The following SLC47A2 variants were observed in gnomAD, a reference collection of about 807,000 sequenced individuals.
SLC47A2 encodes the protein solute carrier family 47 member 2, also known as multidrug and toxin extrusion protein 2.
SLC47A2 carries 52 observed loss-of-function variants against 67.7 expected under a neutral mutation model. The ratio of observed to expected loss-of-function variants is 0.77; its 90% confidence interval spans 0.61 to 0.97. SLC47A2 has a LOEUF of 0.97. Among genes scored for constraint, SLC47A2 ranks in the 50% least tolerant of loss-of-function variants. The probability of loss-of-function intolerance (pLI) is 0.00; values close to 1 mark genes in which losing one functional copy is unlikely to be tolerated. For synonymous variants in SLC47A2, 278 were observed against 292.9 expected (o/e 0.95, Z 0.52); for missense variants, 676 against 712.3 (o/e 0.95, Z 0.58).
At chr17:19,691,453 TG>T (rs1240833986) in intron 13 of SLC47A2, among the ~76,000 whole-genome samples, 2 of 152,150 alleles carry the variant, frequency 1.3e-5, no homozygotes, top group Non-Finnish European at 2.9e-5. Flanking sequence ...TGCAACAACA[TG>T]CATGGACCTG....
intron 13 of SLC47A2, among the ~76,000 whole-genome samples, chr17:19,682,104 GC>G: frequency 6.6e-6 from 1 of 152,230 alleles, no homozygotes; most frequent in East Asian, 1.9e-4. Flanking sequence ...GGTGGCTCAT[GC>G]CTGTAATCCC....
At chr17:19,691,918 A>T (rs2085549565) in intron 13 of SLC47A2, among the ~76,000 whole-genome samples, 1 of 152,216 alleles carries the variant, frequency 6.6e-6, no homozygotes, top group Admixed American at 6.5e-5. Flanking sequence ...ATTAATAAAA[A>T]CAAAAGTTAG....
chr17:19,713,027 A>G lies in SLC47A2; in HGVS notation c.444-282T>C, dbSNP rs116433092. 7.3e-3 allele frequency among the ~76,000 whole-genome samples: 1,112 copies of G among 152,368 alleles called. 15 individuals are homozygous for G. The highest frequency in any genetic ancestry group is 0.025 in the African/African-American group (1,059 of 41,576). ...GTTATATCTTAAAAAGGAATAACCA[A>G]ATGAAATGTACATAATATAAATGAA... is the stretch of plus-strand genomic sequence containing the variant. On this transcript the variant is annotated intron_variant, in intron 4 of 16. Transcript: ENST00000433844.
Position 19,704,160 on chromosome 17 carries a change from T to G in SLC47A2, c.928A>C (p.Ile310Leu), listed in dbSNP as rs2152351103. The change falls in exon 11 of 17, where the codon ATC becomes CTC. Residue 310 changes from isoleucine (I) to leucine (L), a missense_variant. Physicochemically the swap from Ile to Leu is conservative, Grantham distance 5. Transcript: ENST00000433844. ...ATCCCCACTCGGACACAGACCCCGATGCTGAGCCCCAAGGGAATCTGGGAT... is the reference window on the plus strand; with the variant it reads ...ATCCCCACTCGGACACAGACCCCGAGGCTGAGCCCCAAGGGAATCTGGGAT... ...VTYMIPLGLS[I>L]GVCVRVGMAL... The G allele has an allele frequency of 6.2e-7, 1 of 1,610,250 alleles. No individual in the cohort carries two copies. Among genetic ancestry groups the G allele is most frequent in the South Asian group, 1.1e-5 (1 of 90,624 alleles).
intron 13 of SLC47A2, among the ~76,000 whole-genome samples, chr17:19,688,227 A>G (rs551311191): frequency 1.3e-4 from 20 of 152,356 alleles, no homozygotes; most frequent in Middle Eastern, 3.4e-3. Context: ...ACCAATCAGT[A>G]TGATACATCA....
In SLC47A2 at chr17:19,679,955, A is replaced by G. The variant is rs751560040; in HGVS notation, c.1477T>C (p.Ser493Pro). 6.8e-6 allele frequency: 11 copies of G among 1,613,338 alleles called. No homozygotes were observed. The Admixed American group carries it at 8.4e-5, about 12-fold the overall frequency. Residue 493 changes from serine (S) to proline (P), a missense_variant, in exon 16 of 17, where the codon TCA (serine) becomes CCA (proline). Coordinates refer to ENST00000433844, the MANE Select transcript of SLC47A2 (RefSeq NM_001099646.3). ...GAAGCAGCGGTGACAGTATTACCTG[A>G]AGATAGGACTGCTTTCTCAGGCCCA... ...RPGPEKAVLS[S>P]VATGSSPGIT...
chr17:19,701,886 G>A (rs1417916596), intron 13 of SLC47A2, among the ~76,000 whole-genome samples: 1 of 152,086 alleles, frequency 6.6e-6, no homozygotes, highest in Non-Finnish European at 1.5e-5. Flanking sequence ...GCCAACGTTG[G>A]AAGGCCCACC....
intron 14 of SLC47A2, 30 bp from the exon 15 acceptor site, chr17:19,681,491 T>G (rs757788404): frequency 6.2e-7 from 1 of 1,614,064 alleles, no homozygotes; most frequent in Non-Finnish European, 8.5e-7. Flanking sequence ...ATGGGAACAA[T>G]GTCCGACGAC....
intron 10 of SLC47A2, 37 bp downstream of exon 10, chr17:19,705,399 G>T (rs767652391): frequency 2.5e-6 from 4 of 1,587,132 alleles, no homozygotes; most frequent in Non-Finnish European, 3.4e-6. Flanking sequence ...GCCATCAGGT[G>T]GGGGATGTGG....
At chr17:19,683,325 CCAAA>C (rs1229272898) in intron 13 of SLC47A2, among the ~76,000 whole-genome samples, 1 of 152,082 alleles carries the variant, frequency 6.6e-6, no homozygotes, top group Non-Finnish European at 1.5e-5. Context: ...CCTCCCCCCA[CCAAA>C]CAAAGAGTTA....
chr17:19,714,042 G>A (rs779461567), intron 3 of SLC47A2, 69 bp from the exon 4 acceptor site: 103 of 1,544,860 alleles, frequency 6.7e-5, no homozygotes, highest in Non-Finnish European at 8.7e-5. Context: ...CGCGCGGGGA[G>A]CGGGCTGTCA....
At chr17:19,691,717 T>G (rs772584666) in intron 13 of SLC47A2, among the ~76,000 whole-genome samples, 1 of 152,190 alleles carries the variant, frequency 6.6e-6, no homozygotes, top group Non-Finnish European at 1.5e-5. Flanking sequence ...CAACAATAAT[T>G]TATTATACAT....
chr17:19,715,043 G>T, intron 2 of SLC47A2, 73 bp downstream of exon 2: 1 of 1,507,798 alleles, frequency 6.6e-7, no homozygotes. Flanking sequence ...CACCCAAGAC[G>T]GGCCCACCCG....
At chr17:19,716,733 G>A, upstream of SLC47A2, 1 of 943,692 alleles carries the variant, frequency 1.1e-6, no homozygotes, top group Non-Finnish European at 1.5e-6. Context: ...AGGGCACTGA[G>A]TCCCTGCTGC....
chr17:19,687,922 A>G (rs1384493913), intron 13 of SLC47A2, among the ~76,000 whole-genome samples: 1 of 152,200 alleles, frequency 6.6e-6, no homozygotes, highest in East Asian at 1.9e-4. Context: ...GCAAAAGCCC[A>G]GGACCCAATG....
intron 5 of SLC47A2, among the ~76,000 whole-genome samples, chr17:19,709,836 C>T (rs557609899): frequency 1.3e-5 from 2 of 152,272 alleles, no homozygotes; most frequent in South Asian, 4.1e-4. Flanking sequence ...CCCCCCGACC[C>T]AGCCCCAAAA....
chr17:19,714,906 G>T, intron 2 of SLC47A2, 117 bp from the exon 3 acceptor site: 1 of 1,430,800 alleles, frequency 7.0e-7, no homozygotes, highest in Non-Finnish European at 9.8e-7. Context: ...GGTGGCAGAG[G>T]CTCTGCTCAG....
At chr17:19,693,489 A>G (rs890279473) in intron 13 of SLC47A2, among the ~76,000 whole-genome samples, 2 of 151,898 alleles carry the variant, frequency 1.3e-5, no homozygotes, top group African/African-American at 4.8e-5. Flanking sequence ...ATTGTACTGG[A>G]GAGCTGGGCA....
At chr17:19,679,115 A>G (rs1286336813) in intron 16 of SLC47A2, among the ~76,000 whole-genome samples, 1 of 152,236 alleles carries the variant, frequency 6.6e-6, no homozygotes, top group African/African-American at 2.4e-5. Flanking sequence ...TAAACTGTGA[A>G]TTTCACGTGC....
Sources: allele counts gnomAD v4.1 joint callset (sites outside exome capture counted in the v4.1 genomes callset), GRCh38; gene constraint gnomAD v4.1.1; transcripts MANE v1.5; gene names NCBI Gene and HGNC (gene_info 2026-07-23, HGNC 2026-07-21).